CDH2: variants seen among roughly 807,000 people sequenced by gnomAD.
CDH2 encodes the protein cadherin-2.
A neutral mutation model predicts 92.0 loss-of-function variants in CDH2; 17 were observed. The ratio of observed to expected loss-of-function variants is 0.18; its 90% CI spans 0.13 to 0.28. The LOEUF is 0.28. CDH2 is among the 10% of genes least tolerant of loss of function. The probability of loss-of-function intolerance (pLI) is 1.00; values close to 1 mark genes in which losing one functional copy is unlikely to be tolerated. For synonymous variants in CDH2, 419 were observed against 415.9 expected, an observed-to-expected ratio of 1.01 and a Z score of -0.09; for missense variants, 862 against 1,133.1, an observed-to-expected ratio of 0.76 and a Z score of 3.44.
At chr18:28,152,235 C>G (rs1411507530) in intron 1 of CDH2, among the ~76,000 whole-genome samples, 1 of 152,016 alleles carries the variant, frequency 6.6e-6, no homozygotes, top group Non-Finnish European at 1.5e-5. Context: ...AGTGAAATAC[C>G]CAAGACCTCA....
At position 27,990,212 on chromosome 18, in the gene CDH2, G is replaced by A; in HGVS notation, c.1483C>T (p.Pro495Ser). Residue 495 changes from proline to serine, a missense_variant, in exon 10 of 16, where the codon CCT (proline) becomes TCT (serine). By Grantham distance (74) the Pro-to-Ser change is moderately conservative. Around this residue, in one of 5 missense-constraint regions of CDH2, gnomAD observed 564 missense variants for 722.2 expected, o/e 0.78. Transcript: ENST00000269141. ...ATCTTAGGATTGGGGGCAAAATAAG[G>A]GTTTTCATTTACGTCAATAACTGTA... Reference protein sequence around the residue: ...SVTVIDVNENPYFAPNPKIIR... With the variant: ...SVTVIDVNENSYFAPNPKIIR... 1 of 1,614,094 alleles carries A rather than the reference G, an allele frequency of 6.2e-7. No individual in the cohort carries two copies. Among genetic ancestry groups the A allele is most frequent in the Non-Finnish European group, 8.5e-7 (1 of 1,180,000 alleles).
intron 2 of CDH2, among the ~76,000 whole-genome samples, chr18:28,028,187 A>G (rs1567970555): frequency 6.6e-6 from 1 of 152,134 alleles, no homozygotes; most frequent in Non-Finnish European, 1.5e-5. Context: ...ACTAAATTAA[A>G]CCTGTTTCTC....
intron 2 of CDH2, among the ~76,000 whole-genome samples, chr18:28,053,857 C>T (rs2014240819): frequency 6.6e-6 from 1 of 152,058 alleles, no homozygotes; most frequent in Admixed American, 6.6e-5. Flanking sequence ...AGGAGAGGTA[C>T]CACTGAATCT....
rs931992782 is a variant in CDH2 at position 27,941,282 on chromosome 18, G to A, written c.1152-8158C>T. ...GATCTCCTGACCTCGTGATCCGCCC[G>A]TCTCGGCCTCCTAAAGTGCTGGGAT... is the stretch of plus-strand genomic sequence containing the variant. On this transcript the variant is annotated intron_variant, in intron 6 of 6. Coordinates refer to the CDH2 transcript ENST00000675173. 1.1e-4 allele frequency among the ~76,000 whole-genome samples: 16 copies of A among 151,962 alleles called. No individual in the cohort carries two copies. In the East Asian group the frequency reaches 1.5e-3, roughly 15 times the overall value.
intron 2 of CDH2, among the ~76,000 whole-genome samples, chr18:28,079,022 T>C (rs1267346985): frequency 6.6e-6 from 1 of 152,204 alleles, no homozygotes; most frequent in Non-Finnish European, 1.5e-5. Context: ...TCCTTAAGTC[T>C]TCAGGAATGT....
At chr18:28,172,570 T>C (rs1430154053) in intron 1 of CDH2, among the ~76,000 whole-genome samples, 1 of 152,166 alleles carries the variant, frequency 6.6e-6, no homozygotes, top group Non-Finnish European at 1.5e-5. Flanking sequence ...CCAATTATGT[T>C]TCAACTTAAA....
chr18:28,054,473 T>C lies in CDH2; in HGVS notation c.173-40564A>G, dbSNP rs17468510. Among the ~76,000 whole-genome samples, 1,466 of 152,270 alleles carry C rather than the reference T, an allele frequency of 9.6e-3. 12 individuals are homozygous for C. Among genetic ancestry groups the C allele is most frequent in the Non-Finnish European group, 0.015 (1,043 of 68,006 alleles). On this transcript the variant is annotated intron_variant, in intron 2 of 15. Transcript: ENST00000269141. ...CCTCCTTACCAAAGGCAAACGGGCA[T>C]GTCTTGACAGCTACAACACTTACAG...
intron 4 of CDH2, among the ~76,000 whole-genome samples, chr18:28,011,410 A>C (rs528526920): frequency 7.2e-5 from 11 of 152,026 alleles, no homozygotes; most frequent in Non-Finnish European, 1.6e-4. Context: ...TCTCAAATGC[A>C]TTTGGTGCTG....
Position 28,161,849 on chromosome 18 carries a change from C to T in CDH2, c.61-14065G>A, listed in dbSNP as rs992413118. Reference sequence around the variant, plus strand: ...TGACCTTTGGCCAACTTAGATAAAACGAGTGGGCATACAGAACCCAGGCTC... The same window carrying T: ...TGACCTTTGGCCAACTTAGATAAAATGAGTGGGCATACAGAACCCAGGCTC... On this transcript the variant is annotated intron_variant, in intron 1 of 15. Transcript: ENST00000269141. 5.3e-5 allele frequency among the ~76,000 whole-genome samples: 8 copies of T among 152,112 alleles called. No individual in the cohort carries two copies. In the East Asian group the frequency reaches 5.8e-4, roughly 11 times the overall value.
chr18:28,032,097 T>A (rs1400911213), intron 2 of CDH2, among the ~76,000 whole-genome samples: 5 of 152,150 alleles, frequency 3.3e-5, no homozygotes, highest in Non-Finnish European at 4.4e-5. Flanking sequence ...AACATGTAGC[T>A]ATGGCCAAGA....
intron 14 of CDH2, among the ~76,000 whole-genome samples, chr18:27,978,858 G>A (rs576117600): frequency 6.5e-4 from 98 of 151,744 alleles, no homozygotes; most frequent in Middle Eastern, 3.4e-3. Context: ...GTCTTACTAT[G>A]TTGCCCAGGC....
At position 27,985,523 on chromosome 18, in the gene CDH2, C is replaced by T; in HGVS notation, c.1975+5G>A. 6.3e-7 allele frequency: 1 copy of T among 1,579,136 alleles called. No individual in the cohort carries two copies. The highest frequency in any genetic ancestry group is 8.7e-7 in the Non-Finnish European group (1 of 1,148,802). On this transcript the variant is annotated splice_donor_5th_base_variant and intron_variant, in intron 12 of 15. Transcript: ENST00000269141. ...CATATATTCAAATAATTAACCTGTT[C>T]TTACCATTAAGCCGAGTGATGGTCC... is the stretch of plus-strand genomic sequence containing the variant.
At chr18:28,137,391 T>C (rs1298544019) in intron 2 of CDH2, among the ~76,000 whole-genome samples, 1 of 152,072 alleles carries the variant, frequency 6.6e-6, no homozygotes, top group Admixed American at 6.6e-5. Flanking sequence ...AAAGCATCCA[T>C]AAAAAGACCT....
chr18:27,960,930 T>C (rs1265472387), intron 15 of CDH2, among the ~76,000 whole-genome samples: 1 of 151,956 alleles, frequency 6.6e-6, no homozygotes, highest in East Asian at 1.9e-4. Flanking sequence ...CAAATGGAAA[T>C]TCCTACTGTA....
chr18:28,139,252 T>C (rs540570086), intron 2 of CDH2, among the ~76,000 whole-genome samples: 16 of 152,170 alleles, frequency 1.1e-4, no homozygotes, highest in Non-Finnish European at 2.1e-4. Context: ...TAGTCGCTGA[T>C]ATTGTCTTAG....
At chr18:27,946,465 A>T (rs1909270353), downstream of CDH2, among the ~76,000 whole-genome samples, 1 of 152,102 alleles carries the variant, frequency 6.6e-6, no homozygotes, top group Admixed American at 6.5e-5. Context: ...ACTTTTCAGG[A>T]AAATGTAAAT....
At chr18:28,077,323 C>T (rs1325902189) in intron 2 of CDH2, among the ~76,000 whole-genome samples, 1 of 152,090 alleles carries the variant, frequency 6.6e-6, no homozygotes, top group Non-Finnish European at 1.5e-5. Context: ...CAAAGATTCA[C>T]AGAATCTCCT....
At chr18:27,993,412 C>A (rs1477484017) in intron 8 of CDH2, 88 bp downstream of exon 8, 12 of 1,330,830 alleles carry the variant, frequency 9.0e-6, no homozygotes, top group Non-Finnish European at 1.2e-5. Flanking sequence ...CAAGTTCCAC[C>A]TCTATTTAAC....
chr18:28,155,602 G>A (rs776214177), intron 1 of CDH2, among the ~76,000 whole-genome samples: 1 of 152,112 alleles, frequency 6.6e-6, no homozygotes, highest in Non-Finnish European at 1.5e-5. Context: ...TACAGGGAGG[G>A]TGACAACTAT....
Sources: gnomAD v4.1 joint callset for allele counts (sites outside exome capture counted in the v4.1 genomes callset) on GRCh38, gnomAD v4.1.1 for gene constraint, gnomAD v4.1.1 regional missense constraint, MANE v1.5 for transcripts, NCBI Gene and HGNC (gene_info 2026-07-23, HGNC 2026-07-21) for gene names.